TNFRSF11B: variants seen among roughly 807,000 people sequenced by gnomAD.
TNFRSF11B encodes tumor necrosis factor receptor superfamily member 11B.
Under a neutral mutation model 43.4 loss-of-function variants are expected in TNFRSF11B, and 16 were observed. The observed-to-expected ratio is 0.37, with a 90% CI of 0.25 to 0.56. TNFRSF11B has a LOEUF of 0.56. Ranked by LOEUF, TNFRSF11B falls within the 20% of genes least tolerant of loss-of-function variation. The pLI is 0.80. For synonymous variants in TNFRSF11B, 185 were observed against 181.8 expected (o/e 1.02, Z -0.14); for missense variants, 444 against 490.1 (o/e 0.91, Z 0.89).
At position 118,933,166 on chromosome 8, in the gene TNFRSF11B, T is replaced by A. The variant is rs753111952; in HGVS notation, c.165A>T (p.Thr55=). 2.5e-6 allele frequency: 4 copies of A among 1,614,092 alleles called. No individual in the cohort carries two copies. The African/African-American group carries it at 5.3e-5, about 22-fold the overall frequency. ...PPGTYLKQHC[T]AKWKTVCAPC... ...GGGCGCACACGGTCTTCCACTTTGC[T>A]GTACAGTGTTGTTTTAGGTAGGTAC... is the stretch of plus-strand genomic sequence containing the variant. Residue 55 remains threonine (T), a synonymous_variant, in exon 2 of 5, where the codon ACA becomes ACT. Transcript: ENST00000297350.
Position 118,924,191 on chromosome 8 carries a change from T to TG in TNFRSF11B, c.*182dup. 1 of 627,228 alleles carries TG rather than the reference T, an allele frequency of 1.6e-6. No individual in the cohort carries two copies. The highest frequency in any genetic ancestry group is 2.8e-6 in the Non-Finnish European group (1 of 356,032). The allele number at this position is 627,228 out of a possible 1,614,324, so 38.9% of individuals were successfully genotyped here. ...AGATCTGACAGTTGGATTAACCATT[T>TG]GGGGTTTATTGGAGGAGATGTTAGT... On this transcript the variant is annotated 3_prime_UTR_variant, in exon 5 of 5. Transcript: ENST00000297350.
intron 1 of TNFRSF11B, among the ~76,000 whole-genome samples, chr8:118,936,442 C>T (rs1812407186): frequency 6.6e-6 from 1 of 152,078 alleles, no homozygotes. Context: ...CCCCAATTCC[C>T]ACACAGAATT....
At position 118,949,293 on chromosome 8, in the gene TNFRSF11B, C is replaced by G. The variant is rs558661440; in HGVS notation, c.30+2499G>C. Reference sequence around the variant, plus strand: ...TGATTTTAAATCTCCAACAATGAAACGTCATACCCCTCCTCCAGGATGACG... The same window carrying G: ...TGATTTTAAATCTCCAACAATGAAAGGTCATACCCCTCCTCCAGGATGACG... On this transcript the variant is annotated intron_variant, in intron 1 of 4. Transcript: ENST00000297350. 2.0e-5 allele frequency among the ~76,000 whole-genome samples: 3 copies of G among 152,224 alleles called. No homozygotes were observed. In the East Asian group the frequency reaches 5.8e-4, roughly 29 times the overall value.
intron 2 of TNFRSF11B, among the ~76,000 whole-genome samples, chr8:118,929,355 C>T (rs765161436): frequency 2.0e-5 from 3 of 152,198 alleles, no homozygotes; most frequent in Non-Finnish European, 4.4e-5. Flanking sequence ...TTGAATGCTG[C>T]ATCATTAAAT....
intron 1 of TNFRSF11B, among the ~76,000 whole-genome samples, chr8:118,933,774 A>G (rs1361045609): frequency 8.0e-6 from 1 of 124,346 alleles, no homozygotes; most frequent in Non-Finnish European, 1.9e-5. Context: ...TGGGGATTTA[A>G]AACACCTGCA....
chr8:118,941,165 T>C (rs950585688), intron 1 of TNFRSF11B, among the ~76,000 whole-genome samples: 3 of 152,182 alleles, frequency 2.0e-5, no homozygotes, highest in Non-Finnish European at 4.4e-5. Flanking sequence ...CACATGGTGT[T>C]TTGTATGTAC....
At chr8:118,941,718 G>GA (rs1812490431) in intron 1 of TNFRSF11B, among the ~76,000 whole-genome samples, 1 of 151,376 alleles carries the variant, frequency 6.6e-6, no homozygotes. Flanking sequence ...ACAAATGAAG[G>GA]CAAAAAAACA....
chr8:118,930,177 G>A (rs11573917), intron 2 of TNFRSF11B, among the ~76,000 whole-genome samples: 1 of 152,184 alleles, frequency 6.6e-6, no homozygotes, highest in East Asian at 1.9e-4. Flanking sequence ...AAGCAAAGAG[G>A]GTTTTCTGTT....
intron 1 of TNFRSF11B, among the ~76,000 whole-genome samples, chr8:118,936,000 C>G (rs1372068029): frequency 6.6e-6 from 1 of 152,142 alleles, no homozygotes; most frequent in African/African-American, 2.4e-5. Flanking sequence ...GATGGGAAAA[C>G]TCCACAGATG....
chr8:118,939,360 G>A (rs532407958), intron 1 of TNFRSF11B, among the ~76,000 whole-genome samples: 1 of 152,272 alleles, frequency 6.6e-6, no homozygotes, highest in Admixed American at 6.5e-5. Context: ...ATGTAAGCAT[G>A]CATCCAAAAA....
intron 1 of TNFRSF11B, among the ~76,000 whole-genome samples, chr8:118,946,134 AT>A (rs1375609977): frequency 6.6e-6 from 1 of 152,150 alleles, no homozygotes; most frequent in Non-Finnish European, 1.5e-5. Context: ...TGCATCCTCT[AT>A]CCATTTATGG....
intron 1 of TNFRSF11B, among the ~76,000 whole-genome samples, chr8:118,949,514 AACTC>A (rs1380018675): frequency 6.6e-6 from 1 of 152,174 alleles, no homozygotes; most frequent in Non-Finnish European, 1.5e-5. Flanking sequence ...ACAAAACTAA[AACTC>A]AAGAAGTAAC....
chr8:118,951,767 C>G, intron 1 of TNFRSF11B, 25 bp downstream of exon 1: 2 of 1,580,392 alleles, frequency 1.3e-6, no homozygotes, highest in Non-Finnish European at 1.7e-6. Flanking sequence ...GCGCCGGGCA[C>G]CCGTCGGCTG....
At chr8:118,927,919 CA>C (rs1344533019) in intron 3 of TNFRSF11B, among the ~76,000 whole-genome samples, 3 of 152,046 alleles carry the variant, frequency 2.0e-5, no homozygotes, top group Non-Finnish European at 2.9e-5. Flanking sequence ...GACCTGTACC[CA>C]ATGAAGAGCT....
In TNFRSF11B at chr8:118,928,940, T is replaced by C. The variant is rs757385685; in HGVS notation, c.401-11A>G. 5.0e-6 allele frequency: 8 copies of C among 1,613,812 alleles called. No individual in the cohort carries two copies. Among genetic ancestry groups the C allele is most frequent in the Non-Finnish European group, 6.8e-6 (8 of 1,179,762 alleles). On this transcript the variant is annotated splice_polypyrimidine_tract_variant and intron_variant, in intron 2 of 4. Coordinates refer to ENST00000297350, the MANE Select transcript of TNFRSF11B (RefSeq NM_002546.4). ...TTCGCTCTGGGGTTCCTACAGAAAATACCAAGCAATTTAGTACCTTCTCCT... is the reference window on the plus strand; with the variant it reads ...TTCGCTCTGGGGTTCCTACAGAAAACACCAAGCAATTTAGTACCTTCTCCT...
intron 1 of TNFRSF11B, among the ~76,000 whole-genome samples, chr8:118,944,489 C>G (rs1278497765): frequency 6.6e-6 from 1 of 152,118 alleles, no homozygotes; most frequent in Non-Finnish European, 1.5e-5. Context: ...CACAATCCCA[C>G]CAAGCTTCTG....
intron 1 of TNFRSF11B, among the ~76,000 whole-genome samples, chr8:118,938,534 A>C (rs567017915): frequency 6.6e-6 from 1 of 152,274 alleles, no homozygotes; most frequent in East Asian, 1.9e-4. Flanking sequence ...AAATCCTTTA[A>C]CATTTACCAA....
intron 2 of TNFRSF11B, among the ~76,000 whole-genome samples, chr8:118,932,678 C>T (rs1297085495): frequency 6.7e-6 from 1 of 149,052 alleles, no homozygotes. Flanking sequence ...AAAAAAAAAC[C>T]ATCATGCATC....
At chr8:118,935,969 G>A (rs1022183225) in intron 1 of TNFRSF11B, among the ~76,000 whole-genome samples, 1 of 152,090 alleles carries the variant, frequency 6.6e-6, no homozygotes, top group Non-Finnish European at 1.5e-5. Flanking sequence ...CTTCTCCCTT[G>A]CCAAAAAATG....
Sources: allele counts gnomAD v4.1 joint callset (sites outside exome capture counted in the v4.1 genomes callset), GRCh38; gene constraint gnomAD v4.1.1; transcripts MANE v1.5; gene names NCBI Gene and HGNC (gene_info 2026-07-23, HGNC 2026-07-21).